The following GRIK2 variants were observed in gnomAD, a reference collection of about 807,000 sequenced individuals.
GRIK2 encodes glutamate receptor ionotropic, kainate 2.
A neutral mutation model predicts 100.3 loss-of-function variants in GRIK2; 32 were observed. The observed-to-expected ratio is 0.32, with a 90% CI of 0.24 to 0.43. GRIK2 has a LOEUF of 0.43. Among genes scored for constraint, GRIK2 ranks in the 20% least tolerant of loss-of-function variants. The pLI, the probability that GRIK2 is intolerant of heterozygous loss-of-function variation, is 1.00. For missense variants in GRIK2, 843 were observed against 1,114.9 expected (o/e 0.76, Z 3.47); for synonymous variants, 417 against 389.4 (o/e 1.07, Z -0.83).
chr6:101,892,058 AC>A (rs1410899299), intron 12 of GRIK2, among the ~76,000 whole-genome samples: 8 of 152,126 alleles, frequency 5.3e-5, no homozygotes, highest in Admixed American at 3.3e-4. Flanking sequence ...GTTTGCATGT[AC>A]CCTTGTTTTT....
At chr6:101,789,168 CT>C (rs556037557) in intron 7 of GRIK2, among the ~76,000 whole-genome samples, 196 of 152,260 alleles carry the variant, frequency 1.3e-3, no homozygotes, top group African/African-American at 3.7e-3. Context: ...CCTGTTCACT[CT>C]GATAGTAGTT....
Position 101,859,302 on chromosome 6 carries a change from CT to C in GRIK2, c.1338del (p.Phe446LeufsTer60). 1.9e-6 allele frequency: 3 copies of C among 1,584,592 alleles called. No individual in the cohort carries two copies. The highest frequency in any genetic ancestry group is 1.1e-5 in the South Asian group (1 of 90,422). The stretch of plus-strand genomic sequence containing the variant: ...ATGTTTTCAGGAAGAGCCTTATGTC[CT>C]TTTTAAGAAGTCTGACAAACCTCTC... ...VTTILEEPYVLFKKSDKPLYG... is the reference protein window; with the variant it reads ...VTTILEEPYVXFKKSDKPLYG... On this transcript the variant is annotated frameshift_variant, in exon 11 of 17. Coordinates refer to ENST00000369134, the MANE Select transcript of GRIK2 (RefSeq NM_021956.5). LOFTEE classifies it high-confidence loss of function.
intron 10 of GRIK2, among the ~76,000 whole-genome samples, chr6:101,834,490 T>G (rs548078242): frequency 6.6e-6 from 1 of 152,268 alleles, no homozygotes; most frequent in Non-Finnish European, 1.5e-5. Context: ...GGCTGAACTT[T>G]TCTTTCACAA....
intron 2 of GRIK2, among the ~76,000 whole-genome samples, chr6:101,528,245 G>T (rs951203985): frequency 6.6e-6 from 1 of 152,014 alleles, no homozygotes; most frequent in Non-Finnish European, 1.5e-5. Context: ...AAACATGTGG[G>T]GCCAGATGAG....
intron 2 of GRIK2, among the ~76,000 whole-genome samples, chr6:101,434,732 C>A (rs1769616414): frequency 6.6e-6 from 1 of 152,064 alleles, no homozygotes; most frequent in African/African-American, 2.4e-5. Context: ...TGTCACACAC[C>A]CGGTCCCTCA....
At chr6:102,005,736 C>A (rs1056364118) in intron 14 of GRIK2, among the ~76,000 whole-genome samples, 6 of 151,998 alleles carry the variant, frequency 3.9e-5, no homozygotes, top group Non-Finnish European at 5.9e-5. Flanking sequence ...TATTTTATTT[C>A]TTATCCAAGT....
intron 7 of GRIK2, among the ~76,000 whole-genome samples, chr6:101,731,102 G>C (rs1235407144): frequency 1.3e-5 from 2 of 151,966 alleles, no homozygotes; most frequent in African/African-American, 4.8e-5. Flanking sequence ...AAGTAGCTAA[G>C]TCTTAGAAAT....
rs537176420 is a variant in GRIK2 at position 101,675,294 on chromosome 6, GACAC to G, written c.542-1320_542-1317del. On this transcript the variant is annotated intron_variant, in intron 4 of 16. Transcript: ENST00000369134. ...GTACGCACACGCGCACGCACACGCAGACACACACACACCACACACACACACACAC... is the reference window on the plus strand; with the variant it reads ...GTACGCACACGCGCACGCACACGCAGACACACACCACACACACACACACAC... Among the ~76,000 whole-genome samples the G allele has an allele frequency of 1.9e-3, 198 of 106,830 alleles. 1 individual carries two copies. Among genetic ancestry groups the G allele is most frequent in the East Asian group, 6.2e-3 (27 of 4,348 alleles). The allele number at this position is 106,830 out of a possible 152,430, so 70.1% of individuals were successfully genotyped here.
At chr6:101,921,532 G>A (rs969140451) in intron 12 of GRIK2, among the ~76,000 whole-genome samples, 2 of 151,994 alleles carry the variant, frequency 1.3e-5, no homozygotes, top group African/African-American at 2.4e-5. Flanking sequence ...CTGGAAACAG[G>A]GAAGATAGAA....
chr6:101,639,443 T>C (rs186032164), intron 4 of GRIK2, among the ~76,000 whole-genome samples: 2 of 152,250 alleles, frequency 1.3e-5, no homozygotes, highest in African/African-American at 4.8e-5. Context: ...GTATTTCTGA[T>C]ACAGAATCAC....
chr6:102,051,391 A>T (rs1771187617), intron 15 of GRIK2, among the ~76,000 whole-genome samples: 3 of 151,898 alleles, frequency 2.0e-5, no homozygotes, highest in South Asian at 4.1e-4. Flanking sequence ...ATTTACAAAC[A>T]TGAGTTCCTT....
At chr6:101,969,152 T>A (rs986200463) in intron 14 of GRIK2, among the ~76,000 whole-genome samples, 7 of 152,002 alleles carry the variant, frequency 4.6e-5, no homozygotes, top group Non-Finnish European at 8.8e-5. Context: ...GAACCACATA[T>A]AATTTATAAC....
At chr6:101,519,213 A>G (rs1213818494) in intron 2 of GRIK2, among the ~76,000 whole-genome samples, 2 of 152,054 alleles carry the variant, frequency 1.3e-5, no homozygotes, top group Admixed American at 6.6e-5. Context: ...GAGTAGAGAC[A>G]TATTTACAGA....
intron 2 of GRIK2, among the ~76,000 whole-genome samples, chr6:101,417,394 A>C (rs1398553091): frequency 6.6e-6 from 1 of 152,162 alleles, no homozygotes; most frequent in East Asian, 1.9e-4. Flanking sequence ...CCCATCTTCT[A>C]ATGGAGCCTA....
chr6:101,524,045 G>A (rs1775022913), intron 2 of GRIK2, among the ~76,000 whole-genome samples: 1 of 152,108 alleles, frequency 6.6e-6, no homozygotes, highest in South Asian at 2.1e-4. Context: ...TTTTATGCTA[G>A]GTAGGGTCAT....
chr6:101,575,972 T>A (rs925798992), intron 2 of GRIK2, among the ~76,000 whole-genome samples: 2 of 152,044 alleles, frequency 1.3e-5, no homozygotes, highest in African/African-American at 4.8e-5. Context: ...AGTTAGTAAA[T>A]AATTGTCAGA....
intron 2 of GRIK2, among the ~76,000 whole-genome samples, chr6:101,437,788 T>C (rs1769820031): frequency 6.6e-6 from 1 of 152,096 alleles, no homozygotes; most frequent in African/African-American, 2.4e-5. Context: ...AGGGTTATTG[T>C]AACAAGTAGA....
At chr6:101,419,573 T>A (rs561050849) in intron 2 of GRIK2, among the ~76,000 whole-genome samples, 21 of 152,298 alleles carry the variant, frequency 1.4e-4, no homozygotes, top group African/African-American at 5.1e-4. Flanking sequence ...AGATAATAAT[T>A]GTATAGTGCT....
intron 2 of GRIK2, among the ~76,000 whole-genome samples, chr6:101,463,222 T>C (rs1244314941): frequency 6.6e-6 from 1 of 152,148 alleles, no homozygotes; most frequent in Non-Finnish European, 1.5e-5. Context: ...GTATCCATAG[T>C]CTGCAAGACA....
Sources: allele counts gnomAD v4.1 joint callset (sites outside exome capture counted in the v4.1 genomes callset), GRCh38; gene constraint gnomAD v4.1.1; transcripts MANE v1.5; gene names NCBI Gene and HGNC (gene_info 2026-07-23, HGNC 2026-07-21).